GNG7: variants seen among roughly 807,000 people sequenced by gnomAD.
GNG7 encodes the protein guanine nucleotide-binding protein G(I)/G(S)/G(O) subunit gamma-7.
A neutral mutation model predicts 4.0 loss-of-function variants in GNG7; 1 was observed. The ratio of observed to expected loss-of-function variants is 0.25; its 90% CI spans 0.09 to 1.18. The LOEUF (loss-of-function observed/expected upper bound fraction) is 1.18, where lower values mean the gene tolerates loss of function less well. Ranked by LOEUF, GNG7 falls within the 50% of genes most tolerant of loss-of-function variation. GNG7 has a pLI of 0.50. For synonymous variants in GNG7, 34 were observed against 36.9 expected (o/e 0.92, Z 0.29); for missense variants, 86 against 91.9 (o/e 0.94, Z 0.26).
rs1389569897 is a variant in GNG7, at chr19:2,557,150, GCACA to G, written c.-77-1966_-77-1963del. The stretch of plus-strand genomic sequence containing the variant: ...ACGTGTACTGCACACTCACGCACAT[GCACA>G]CAAAGACACGCGCACACACGTACAC... On this transcript the variant is annotated intron_variant, in intron 2 of 4. Coordinates refer to ENST00000382159, the MANE Select transcript of GNG7 (RefSeq NM_052847.3). This position sits in a 1 kb window ranked among gnomAD's most constrained non-coding sequence, Gnocchi z 5.1. 2.7e-5 allele frequency among the ~76,000 whole-genome samples: 4 copies of G among 150,186 alleles called. No homozygotes were observed. Among genetic ancestry groups the G allele is most frequent in the South Asian group, 2.1e-4 (1 of 4,776 alleles).
intron 4 of GNG7, among the ~76,000 whole-genome samples, chr19:2,519,799 C>T (rs1978298394): frequency 6.6e-6 from 1 of 152,102 alleles, no homozygotes; most frequent in African/African-American, 2.4e-5. Context: ...CCCTGGGTCT[C>T]CAGCCTGCTG....
In GNG7 at chr19:2,513,263, C is replaced by T. The variant is rs1344767399; in HGVS notation, c.*1759G>A. 2.2e-6 allele frequency: 1 copy of T among 453,518 alleles called. No homozygotes were observed. Among genetic ancestry groups the T allele is most frequent in the African/African-American group, 2.1e-5 (1 of 47,042 alleles). The allele number at this position is 453,518 out of a possible 1,614,324, so 28.1% of individuals were successfully genotyped here. A position where few individuals can be genotyped will look rare whatever the true frequency, so the allele number is the denominator to read the frequency against. On this transcript the variant is annotated 3_prime_UTR_variant, in exon 5 of 5. Transcript: ENST00000382159. ...AGGACCTGGGCGGCCGTCCAGGAAC[C>T]CTCTCGGCACGGGTTCTTAGACGCC...
At chr19:2,615,739 A>C (rs1258977173) in intron 2 of GNG7, among the ~76,000 whole-genome samples, 1 of 152,150 alleles carries the variant, frequency 6.6e-6, no homozygotes, top group Non-Finnish European at 1.5e-5. Context: ...CTGGGATTAC[A>C]GGCATGAGCC....
intron 2 of GNG7, among the ~76,000 whole-genome samples, chr19:2,580,916 C>T (rs571301937): frequency 1.3e-5 from 2 of 152,178 alleles, no homozygotes; most frequent in Admixed American, 6.5e-5. Flanking sequence ...AGGTGTGCAC[C>T]ACCACGCCCG....
Position 2,512,321 on chromosome 19 carries a change from T to A in GNG7, c.*2701A>T, listed in dbSNP as rs1364294585. ...TCGGGTGCCACGTCTGCAAAGGTAT[T>A]TTCCACAGTGTGGTCACTGAAGTCT... On this transcript the variant is annotated 3_prime_UTR_variant, in exon 5 of 5. Coordinates refer to ENST00000382159, the MANE Select transcript of GNG7 (RefSeq NM_052847.3). This position sits in a 1 kb window ranked among gnomAD's most constrained non-coding sequence, Gnocchi z 4.7. The A allele has an allele frequency of 2.0e-6, 2 of 985,682 alleles. No individual in the cohort carries two copies. Among genetic ancestry groups the A allele is most frequent in the Non-Finnish European group, 2.4e-6 (2 of 829,914 alleles). The allele number at this position is 985,682 out of a possible 1,614,324, so 61.1% of individuals were successfully genotyped here. A position where few individuals can be genotyped will look rare whatever the true frequency, so the allele number is the denominator to read the frequency against.
At chr19:2,687,564 C>T (rs560873454) in intron 1 of GNG7, among the ~76,000 whole-genome samples, 6 of 152,096 alleles carry the variant, frequency 3.9e-5, no homozygotes, top group Non-Finnish European at 7.4e-5. Flanking sequence ...TGCGGTGAGC[C>T]GAGATCGCAC....
chr19:2,539,650 A>G (rs1427903287), intron 3 of GNG7, among the ~76,000 whole-genome samples: 2 of 152,080 alleles, frequency 1.3e-5, no homozygotes, highest in Admixed American at 6.6e-5. Context: ...GGGGATGGAC[A>G]CACACCTGAC....
chr19:2,651,168 C>T (rs573146219), intron 1 of GNG7, among the ~76,000 whole-genome samples: 43 of 152,250 alleles, frequency 2.8e-4, no homozygotes, highest in South Asian at 2.3e-3. Context: ...GGGCTGCCAC[C>T]GCCTCCCGGC....
rs563240642 is a variant in GNG7 at position 2,659,216 on chromosome 19, A to G, written c.-134-12936T>C. 2.5e-3 allele frequency among the ~76,000 whole-genome samples: 384 copies of G among 151,042 alleles called. 1 individual carries two copies. The highest frequency in any genetic ancestry group is 4.5e-3 in the Admixed American group (68 of 15,216). ...AATCTCCTGACCTCGTGATCCGCCC[A>G]CCTTGGCCTCCCAAAGTCCTGGGAT... On this transcript the variant is annotated intron_variant, in intron 1 of 4. Transcript: ENST00000382159.
chr19:2,529,418 A>G (rs2144736133), intron 3 of GNG7, among the ~76,000 whole-genome samples: 1 of 151,890 alleles, frequency 6.6e-6, no homozygotes, highest in South Asian at 2.1e-4. Context: ...GGGTTTTGCC[A>G]TGTTGGCCAG....
Position 2,578,488 on chromosome 19 carries a change from G to T in GNG7, c.-77-23300C>A, listed in dbSNP as rs762563690. ...ACAGAAAACGGTGCTCCAGCCACAAGCAAGAGACTGCCCGTCCTGCAGGGC... is the reference window on the plus strand; with the variant it reads ...ACAGAAAACGGTGCTCCAGCCACAATCAAGAGACTGCCCGTCCTGCAGGGC... On this transcript the variant is annotated intron_variant, in intron 2 of 4. Transcript: ENST00000382159. Among the ~76,000 whole-genome samples the T allele has an allele frequency of 2.0e-5, 3 of 152,236 alleles. No individual in the cohort carries two copies. The South Asian group carries it at 6.2e-4, about 31-fold the overall frequency.
intron 2 of GNG7, among the ~76,000 whole-genome samples, chr19:2,607,445 C>T (rs1268157325): frequency 6.7e-6 from 1 of 149,982 alleles, no homozygotes; most frequent in Non-Finnish European, 1.5e-5. Flanking sequence ...AGGAGAATTG[C>T]TTGAACCTGG....
intron 1 of GNG7, among the ~76,000 whole-genome samples, chr19:2,679,335 G>C (rs891737458): frequency 1.3e-5 from 2 of 152,196 alleles, no homozygotes; most frequent in East Asian, 3.9e-4. Flanking sequence ...ACAGGTGTGA[G>C]CCACCACACC....
intron 3 of GNG7, among the ~76,000 whole-genome samples, chr19:2,530,882 C>G (rs1053752481): frequency 6.6e-6 from 1 of 152,074 alleles, no homozygotes; most frequent in African/African-American, 2.4e-5. Context: ...TGCTGAGAGG[C>G]CGAGTGATAT....
At chr19:2,673,326 T>C (rs1469984026) in intron 1 of GNG7, among the ~76,000 whole-genome samples, 1 of 150,022 alleles carries the variant, frequency 6.7e-6, no homozygotes, top group Non-Finnish European at 1.5e-5. Flanking sequence ...CCAATGAGTC[T>C]GAGAAGTGTC....
intron 2 of GNG7, among the ~76,000 whole-genome samples, chr19:2,645,974 G>T (rs948434720): frequency 6.6e-6 from 1 of 152,096 alleles, no homozygotes; most frequent in African/African-American, 2.4e-5. Flanking sequence ...ACCCCATCCA[G>T]GGGCTCCGGC....
At chr19:2,567,132 CAAAAAAAAAACA>C (rs1393058734) in intron 2 of GNG7, among the ~76,000 whole-genome samples, 5 of 139,024 alleles carry the variant, frequency 3.6e-5, no homozygotes, top group African/African-American at 1.1e-4. Flanking sequence ...ACAAAAAAAA[CAAAAAAAAAACA>C]AAAAAAAAAA....
intron 2 of GNG7, among the ~76,000 whole-genome samples, chr19:2,569,555 G>A (rs998436367): frequency 2.6e-5 from 4 of 152,186 alleles, no homozygotes; most frequent in African/African-American, 9.7e-5. Context: ...GATTACAGGC[G>A]TGAGTCACCG....
chr19:2,682,058 C>T (rs569587610), intron 1 of GNG7, among the ~76,000 whole-genome samples: 4 of 152,104 alleles, frequency 2.6e-5, no homozygotes, highest in East Asian at 2.0e-4. Flanking sequence ...TACAGGCGCG[C>T]GCCACCACGC....
Sources: allele counts gnomAD v4.1 joint callset (sites outside exome capture counted in the v4.1 genomes callset), GRCh38; gene constraint gnomAD v4.1.1; non-coding constraint Gnocchi (gnomAD v3.1); transcripts MANE v1.5; gene names NCBI Gene and HGNC (gene_info 2026-07-23, HGNC 2026-07-21).